The following DUSP10 variants were observed in gnomAD, a reference collection of about 807,000 sequenced individuals.
DUSP10 encodes dual specificity protein phosphatase 10.
Under a neutral mutation model 30.8 loss-of-function variants are expected in DUSP10, and 14 were observed. The observed-to-expected ratio is 0.46, with a 90% CI of 0.30 to 0.71. DUSP10 has a LOEUF of 0.71. Among genes scored for constraint, DUSP10 ranks in the 30% least tolerant of loss-of-function variants. The pLI is 0.08. For synonymous variants in DUSP10, 254 were observed against 250.4 expected (o/e 1.01, Z -0.14); for missense variants, 550 against 619.4 (o/e 0.89, Z 1.19).
chr1:221,736,880 G>C, intron 2 of DUSP10: 1 of 985,472 alleles, frequency 1.0e-6, no homozygotes, highest in Non-Finnish European at 1.2e-6. Context: ...GACTGCCGCG[G>C]TGTCTCACCA....
intron 2 of DUSP10, among the ~76,000 whole-genome samples, chr1:221,715,774 A>T (rs1275940479): frequency 2.6e-5 from 4 of 152,330 alleles, no homozygotes; most frequent in Non-Finnish European, 4.4e-5. Flanking sequence ...GATGACTTTT[A>T]TGTGAGCAGG....
intron 2 of DUSP10, among the ~76,000 whole-genome samples, chr1:221,736,069 C>A (rs1661758225): frequency 6.6e-6 from 1 of 152,150 alleles, no homozygotes; most frequent in Admixed American, 6.5e-5. Context: ...ACAGGGAGGG[C>A]ACTGTAAATT....
chr1:221,703,532 CCT>C (rs1168646008), intron 3 of DUSP10, among the ~76,000 whole-genome samples: 18 of 152,224 alleles, frequency 1.2e-4, no homozygotes, highest in African/African-American at 3.9e-4. Context: ...GAGGGTGTCA[CCT>C]CTCAAGCATT....
intron 2 of DUSP10, among the ~76,000 whole-genome samples, chr1:221,721,584 G>A (rs1168231252): frequency 1.3e-5 from 2 of 152,120 alleles, no homozygotes; most frequent in African/African-American, 4.8e-5. Flanking sequence ...GGGGTGCTGG[G>A]CCTCCCTTAA....
At chr1:221,736,559 T>G (rs558641588) in intron 2 of DUSP10, among the ~76,000 whole-genome samples, 24 of 152,322 alleles carry the variant, frequency 1.6e-4, no homozygotes, top group African/African-American at 5.8e-4. Context: ...CTGCTGGTCA[T>G]GCCTTTGGGG....
At chr1:221,737,311 T>C in intron 2 of DUSP10, 2 of 985,400 alleles carry the variant, frequency 2.0e-6, no homozygotes, top group Non-Finnish European at 2.4e-6. Context: ...TCATTGGCTA[T>C]CCTCCTCTTT....
chr1:221,718,553 G>A (rs1453353637), intron 2 of DUSP10, among the ~76,000 whole-genome samples: 2 of 152,142 alleles, frequency 1.3e-5, no homozygotes, highest in Non-Finnish European at 2.9e-5. Context: ...TATTTCTCCC[G>A]AGAGCTCAAC....
chr1:221,737,175 C>T (rs1162442436), intron 2 of DUSP10: 2 of 985,202 alleles, frequency 2.0e-6, no homozygotes, highest in African/African-American at 1.7e-5. Context: ...TAATCATCCC[C>T]ATGATTAGGA....
At chr1:221,715,842 A>C (rs1188891855) in intron 2 of DUSP10, among the ~76,000 whole-genome samples, 1 of 152,186 alleles carries the variant, frequency 6.6e-6, no homozygotes, top group African/African-American at 2.4e-5. Context: ...CAGGTTTTGC[A>C]GAAGTCAGTG....
Position 221,733,585 on chromosome 1 carries a change from G to A in DUSP10, c.811+5349C>T, listed in dbSNP as rs553869909. Among the ~76,000 whole-genome samples the A allele has an allele frequency of 1.8e-4, 27 of 152,340 alleles. No homozygotes were observed. In the East Asian group the frequency reaches 3.7e-3, roughly 21 times the overall value. On this transcript the variant is annotated intron_variant, in intron 2 of 3. Coordinates refer to ENST00000366899, the MANE Select transcript of DUSP10 (RefSeq NM_007207.6). ...TACCCCTGCCCCTGCAATGTAAGAG[G>A]TTCTTACATTAGTGCATGAGAGTAG...
At chr1:221,710,151 C>T (rs995567385) in intron 2 of DUSP10, among the ~76,000 whole-genome samples, 3 of 152,170 alleles carry the variant, frequency 2.0e-5, no homozygotes, top group Non-Finnish European at 4.4e-5. Flanking sequence ...GGTTTTGATA[C>T]ACGACCAGGT....
chr1:221,734,094 C>T (rs998756417), intron 2 of DUSP10, among the ~76,000 whole-genome samples: 1 of 152,130 alleles, frequency 6.6e-6, no homozygotes, highest in Admixed American at 6.5e-5. Flanking sequence ...CCAGCGCACC[C>T]CTCCTTCCAT....
At chr1:221,710,426 G>A (rs1374695175) in intron 2 of DUSP10, among the ~76,000 whole-genome samples, 1 of 152,006 alleles carries the variant, frequency 6.6e-6, no homozygotes, top group Non-Finnish European at 1.5e-5. Context: ...TCACTGTACT[G>A]TTGTAATGAT....
intron 2 of DUSP10, among the ~76,000 whole-genome samples, chr1:221,710,438 A>C (rs1660901008): frequency 6.6e-6 from 1 of 152,172 alleles, no homozygotes; most frequent in South Asian, 2.1e-4. Flanking sequence ...TGTAATGATT[A>C]AAGTGGTTAA....
At chr1:221,723,958 T>C (rs190678136) in intron 2 of DUSP10, among the ~76,000 whole-genome samples, 2 of 152,348 alleles carry the variant, frequency 1.3e-5, no homozygotes, top group African/African-American at 4.8e-5. Context: ...TCTAATCATG[T>C]GGATGTCTTT....
In DUSP10 at chr1:221,701,462, A is replaced by G. The variant is rs117133279; in HGVS notation, c.*950T>C. On this transcript the variant is annotated 3_prime_UTR_variant, in exon 4 of 4. Coordinates refer to ENST00000366899, the MANE Select transcript of DUSP10 (RefSeq NM_007207.6). ...TATAATGAAAATAAATTTTTACACA[A>G]TCAACAGAAACACACCAAGATTTTT... 1,342 of 151,672 alleles carry G rather than the reference A, an allele frequency of 8.8e-3. 50 individuals carry two copies. Among genetic ancestry groups the G allele is most frequent in the East Asian group, 0.071 (368 of 5,156 alleles). 9.4% of individuals were successfully genotyped at this position (151,672 alleles called of 1,614,324 possible).
chr1:221,726,056 A>G (rs902079910), intron 2 of DUSP10, among the ~76,000 whole-genome samples: 1 of 152,258 alleles, frequency 6.6e-6, no homozygotes, highest in Non-Finnish European at 1.5e-5. Flanking sequence ...AAACACACAC[A>G]TTCAGGATCA....
At chr1:221,715,262 A>G (rs1261055195) in intron 2 of DUSP10, among the ~76,000 whole-genome samples, 2 of 152,222 alleles carry the variant, frequency 1.3e-5, no homozygotes, top group African/African-American at 4.8e-5. Flanking sequence ...AATTGAAAAT[A>G]AAGTTTAATT....
At chr1:221,711,505 C>T (rs1446360920) in intron 2 of DUSP10, 3 of 152,142 alleles carry the variant, frequency 2.0e-5, no homozygotes. Context: ...ATTGATCACC[C>T]CTCTCTGTTG....
Sources: allele counts gnomAD v4.1 joint callset (sites outside exome capture counted in the v4.1 genomes callset), GRCh38; gene constraint gnomAD v4.1.1; transcripts MANE v1.5; gene names NCBI Gene and HGNC (gene_info 2026-07-23, HGNC 2026-07-21).